ZNF804B: variants seen among roughly 807,000 people sequenced by gnomAD.
ZNF804B encodes the protein zinc finger 804B.
In ZNF804B, 80 loss-of-function variants were observed where a neutral mutation model predicts 101.4. The observed-to-expected ratio is 0.79, with a 90% CI of 0.66 to 0.95. The LOEUF (loss-of-function observed/expected upper bound fraction) is 0.95, where lower values mean the gene tolerates loss of function less well. Among genes scored for constraint, ZNF804B ranks in the 40% least tolerant of loss-of-function variants. ZNF804B has a pLI of 0.00. For synonymous variants in ZNF804B, 622 were observed against 558.8 expected (o/e 1.11, Z -1.59); for missense variants, 1,673 against 1,561.9 (o/e 1.07, Z -1.20).
At chr7:88,808,452 G>A (rs1238043327) in intron 1 of ZNF804B, among the ~76,000 whole-genome samples, 2 of 151,786 alleles carry the variant, frequency 1.3e-5, no homozygotes, top group South Asian at 2.1e-4. Flanking sequence ...TCTTTCCTAG[G>A]CATTGTCAGT....
intron 1 of ZNF804B, among the ~76,000 whole-genome samples, chr7:88,817,675 G>A (rs1232175820): frequency 6.6e-6 from 1 of 152,118 alleles, no homozygotes; most frequent in Non-Finnish European, 1.5e-5. Context: ...TTCCATTGGT[G>A]TGATATATTC....
At chr7:89,110,268 C>A (rs1162992686) in intron 1 of ZNF804B, among the ~76,000 whole-genome samples, 2 of 152,074 alleles carry the variant, frequency 1.3e-5, no homozygotes, top group Non-Finnish European at 2.9e-5. Flanking sequence ...AATACTAATT[C>A]ATGAGAAACC....
intron 2 of ZNF804B, among the ~76,000 whole-genome samples, chr7:89,229,521 A>G (rs1789154787): frequency 6.6e-6 from 1 of 152,232 alleles, no homozygotes; most frequent in Non-Finnish European, 1.5e-5. Context: ...ATAATCTTTT[A>G]TGTGTATGTA....
intron 1 of ZNF804B, among the ~76,000 whole-genome samples, chr7:88,924,511 A>G (rs1288709912): frequency 1.3e-5 from 2 of 152,052 alleles, no homozygotes; most frequent in Admixed American, 1.3e-4. Flanking sequence ...GTAGGGGACT[A>G]GCTACCTCTC....
intron 1 of ZNF804B, among the ~76,000 whole-genome samples, chr7:88,760,926 T>TAATA (rs916154879): frequency 1.4e-5 from 2 of 146,820 alleles, no homozygotes; most frequent in Non-Finnish European, 3.0e-5. Context: ...AATATATATA[T>TAATA]AATAAATATA....
chr7:89,264,035 TAA>T (rs1362473246), intron 2 of ZNF804B, among the ~76,000 whole-genome samples: 1 of 152,204 alleles, frequency 6.6e-6, no homozygotes, highest in African/African-American at 2.4e-5. Flanking sequence ...CAGAAAATAT[TAA>T]GACAGTACAT....
At chr7:89,072,169 A>G (rs1008047743) in intron 1 of ZNF804B, among the ~76,000 whole-genome samples, 1 of 152,196 alleles carries the variant, frequency 6.6e-6, no homozygotes, top group African/African-American at 2.4e-5. Context: ...AATAGGGAGA[A>G]TGAGATCACT....
rs145877596 is a variant in ZNF804B at position 89,333,764 on chromosome 7, A to G, written c.782A>G (p.Asp261Gly). The change falls in exon 4 of 4, where the codon GAT (aspartate) becomes GGT (glycine). Residue 261 changes from aspartate to glycine, a missense_variant. By Grantham distance (94) the Asp-to-Gly change is moderately conservative. Coordinates refer to ENST00000333190, the MANE Select transcript of ZNF804B (RefSeq NM_181646.5). ...ATTTATAAAACAAAACAAACTGCAG[A>G]TAAGTGCAAGTGCTGCAGGTTTGCA... is the stretch of plus-strand genomic sequence containing the variant. ...SPIYKTKQTA[D>G]KCKCCRFANK... The G allele has an allele frequency of 2.4e-5, 38 of 1,613,374 alleles. No homozygotes were observed. Among genetic ancestry groups the G allele is most frequent in the African/African-American group, 1.7e-4 (13 of 75,026 alleles).
intron 2 of ZNF804B, among the ~76,000 whole-genome samples, chr7:89,310,801 G>T (rs1198627940): frequency 1.3e-5 from 2 of 152,192 alleles, no homozygotes; most frequent in Non-Finnish European, 2.9e-5. Flanking sequence ...AGTGCAGTAG[G>T]TCAAGTCCTT....
chr7:89,220,071 A>G (rs1282611799), intron 2 of ZNF804B, among the ~76,000 whole-genome samples: 2 of 72,742 alleles, frequency 2.7e-5, no homozygotes, highest in Non-Finnish European at 2.9e-5. Flanking sequence ...ACGCACATAT[A>G]TGTGTATATA....
intron 1 of ZNF804B, among the ~76,000 whole-genome samples, chr7:88,876,220 T>C (rs915222458): frequency 6.6e-6 from 1 of 152,226 alleles, no homozygotes; most frequent in African/African-American, 2.4e-5. Flanking sequence ...CTCTGGGACT[T>C]GACCCAGTCT....
intron 1 of ZNF804B, among the ~76,000 whole-genome samples, chr7:88,811,551 T>A (rs1266223092): frequency 6.6e-6 from 1 of 152,170 alleles, no homozygotes; most frequent in Non-Finnish European, 1.5e-5. Context: ...CTATTTACAA[T>A]ATCAAAGATA....
intron 2 of ZNF804B, among the ~76,000 whole-genome samples, chr7:89,303,555 A>T (rs117891772): frequency 6.6e-6 from 1 of 151,922 alleles, no homozygotes; most frequent in Non-Finnish European, 1.5e-5. Flanking sequence ...AAGTTATCCA[A>T]CATCTCTTAG....
intron 1 of ZNF804B, among the ~76,000 whole-genome samples, chr7:89,097,063 C>T (rs1361480590): frequency 6.6e-6 from 1 of 152,148 alleles, no homozygotes; most frequent in Non-Finnish European, 1.5e-5. Context: ...CAGATTGATT[C>T]AGGCTAAATC....
intron 1 of ZNF804B, among the ~76,000 whole-genome samples, chr7:89,097,126 G>A (rs1789981492): frequency 6.6e-6 from 1 of 152,174 alleles, no homozygotes; most frequent in Non-Finnish European, 1.5e-5. Flanking sequence ...GATACGTGCA[G>A]CTGCATCTCT....
intron 1 of ZNF804B, among the ~76,000 whole-genome samples, chr7:88,861,723 G>A (rs1409079487): frequency 6.6e-6 from 1 of 152,154 alleles, no homozygotes; most frequent in African/African-American, 2.4e-5. Context: ...TACAGTTTCA[G>A]TGTACTTTCA....
At chr7:89,146,596 G>A (rs1790793403) in intron 1 of ZNF804B, among the ~76,000 whole-genome samples, 1 of 151,964 alleles carries the variant, frequency 6.6e-6, no homozygotes, top group Non-Finnish European at 1.5e-5. Flanking sequence ...TATTTCAGAA[G>A]TTCTTTCAGC....
chr7:89,153,744 C>T (rs1391681148), intron 1 of ZNF804B, among the ~76,000 whole-genome samples: 1 of 152,060 alleles, frequency 6.6e-6, no homozygotes, highest in Non-Finnish European at 1.5e-5. Context: ...CTACTTGTAT[C>T]TCTCCTCTGA....
chr7:89,121,739 T>C (rs1186144018), intron 1 of ZNF804B, among the ~76,000 whole-genome samples: 1 of 152,164 alleles, frequency 6.6e-6, no homozygotes, highest in Non-Finnish European at 1.5e-5. Flanking sequence ...AATCAAGCCC[T>C]TCCTTTATTT....
Sources: allele counts gnomAD v4.1 joint callset (sites outside exome capture counted in the v4.1 genomes callset), GRCh38; gene constraint gnomAD v4.1.1; transcripts MANE v1.5; gene names NCBI Gene and HGNC (gene_info 2026-07-23, HGNC 2026-07-21).